Variants in TRPC4 observed in about 807,000 individuals in gnomAD.
TRPC4 encodes short transient receptor potential channel 4.
Under a neutral mutation model 99.4 loss-of-function variants are expected in TRPC4, and 49 were observed. The observed-to-expected ratio is 0.49, with a 90% CI of 0.39 to 0.63. The LOEUF (loss-of-function observed/expected upper bound fraction) is 0.63. TRPC4 is among the 20% of genes least tolerant of loss of function. The pLI is 0.00. For synonymous variants in TRPC4, 454 were observed against 425.9 expected (o/e 1.07, Z -0.81); for missense variants, 898 against 1,152.9 (o/e 0.78, Z 3.20).
At chr13:37,843,868 G>A (rs1323778311) in intron 1 of TRPC4, among the ~76,000 whole-genome samples, 1 of 152,130 alleles carries the variant, frequency 6.6e-6, no homozygotes, top group Non-Finnish European at 1.5e-5. Context: ...GTGAGTCAAG[G>A]ACACTCCTTT....
At chr13:37,809,547 A>C (rs1232537780) in intron 1 of TRPC4, among the ~76,000 whole-genome samples, 3 of 151,928 alleles carry the variant, frequency 2.0e-5, no homozygotes, top group Non-Finnish European at 4.4e-5. Context: ...CTCAAACTGC[A>C]GGCATAAGAT....
In TRPC4 at chr13:37,827,866, C is replaced by G. The variant is rs549434763; in HGVS notation, c.-28+41729G>C. On this transcript the variant is annotated intron_variant, in intron 1 of 10. Coordinates refer to ENST00000379705, the MANE Select transcript of TRPC4 (RefSeq NM_016179.4). ...CTGGGCAATGGCGGGTGCCCCTCCC[C>G]TAGCCTCGCTGCTGCCTTGCAGTTT... Among the ~76,000 whole-genome samples the G allele has an allele frequency of 1.3e-3, 204 of 152,330 alleles. 2 individuals carry two copies. Among genetic ancestry groups the G allele is most frequent in the African/African-American group, 4.5e-3 (188 of 41,580 alleles).
intron 2 of TRPC4, among the ~76,000 whole-genome samples, chr13:37,758,968 T>C (rs1418113461): frequency 6.6e-6 from 1 of 151,664 alleles, no homozygotes; most frequent in South Asian, 2.1e-4. Context: ...TATTTTTGTT[T>C]ATATTGTTTT....
In TRPC4 at chr13:37,634,265, CTGT is replaced by C. The variant is rs1951456306; in HGVS notation, c.*2635_*2637del. 6.6e-6 allele frequency among the ~76,000 whole-genome samples: 1 copy of C among 152,032 alleles called. No homozygotes were observed. The highest frequency in any genetic ancestry group is 2.4e-5 in the African/African-American group (1 of 41,426). ...CAGTATTTCTTTGCTTGCTATCCTG[CTGT>C]TGTTTGACTTTTCTTATTTTATCCC... On this transcript the variant is annotated 3_prime_UTR_variant, in exon 11 of 11. Coordinates refer to ENST00000379705, the MANE Select transcript of TRPC4 (RefSeq NM_016179.4).
At chr13:37,661,925 T>C (rs1273376092) in intron 6 of TRPC4, among the ~76,000 whole-genome samples, 1 of 152,134 alleles carries the variant, frequency 6.6e-6, no homozygotes, top group Non-Finnish European at 1.5e-5. Flanking sequence ...GAATTCCTCC[T>C]GCCCAGGGTC....
At chr13:37,821,063 G>C (rs1434915890) in intron 1 of TRPC4, among the ~76,000 whole-genome samples, 1 of 151,924 alleles carries the variant, frequency 6.6e-6, no homozygotes, top group African/African-American at 2.4e-5. Flanking sequence ...AAAGCTCCTT[G>C]ATCTGATAAA....
chr13:37,649,614 G>GTC (rs1472010620), intron 8 of TRPC4, among the ~76,000 whole-genome samples: 3 of 151,234 alleles, frequency 2.0e-5, no homozygotes, highest in African/African-American at 2.4e-5. Context: ...GGCGCCTGTA[G>GTC]TCCCAGCTAC....
Position 37,745,899 on chromosome 13 carries a change from C to T in TRPC4, c.897+38G>A, listed in dbSNP as rs1055683546. 4 of 1,577,788 alleles carry T rather than the reference C, an allele frequency of 2.5e-6. No homozygotes were observed. The East Asian group carries it at 6.7e-5, about 27-fold the overall frequency. On this transcript the variant is annotated intron_variant, in intron 3 of 10. Transcript: ENST00000379705. The stretch of plus-strand genomic sequence containing the variant: ...CAGTTTGCTTCACTGTGATTAAACT[C>T]TATGGCATTTTGATGGATCAAGTCT...
intron 2 of TRPC4, 34 bp from the exon 3 acceptor site, chr13:37,746,489 T>C (rs759722386): frequency 1.9e-6 from 3 of 1,556,192 alleles, no homozygotes; most frequent in Non-Finnish European, 2.6e-6. Context: ...GATGAATATT[T>C]ATTCTTTTGT....
At chr13:37,668,182 G>C (rs1477174403) in intron 5 of TRPC4, among the ~76,000 whole-genome samples, 1 of 152,192 alleles carries the variant, frequency 6.6e-6, no homozygotes, top group African/African-American at 2.4e-5. Context: ...ATTAATTCCT[G>C]TATTCCTCCT....
chr13:37,717,581 T>G (rs565141540), intron 3 of TRPC4, among the ~76,000 whole-genome samples: 2 of 152,110 alleles, frequency 1.3e-5, no homozygotes, highest in Non-Finnish European at 2.9e-5. Flanking sequence ...TATTTAGAGA[T>G]AAAGTCTTTA....
Position 37,771,613 on chromosome 13 carries a change from A to G in TRPC4, c.378+11343T>C, listed in dbSNP as rs1454836448. Among the ~76,000 whole-genome samples the G allele has an allele frequency of 2.6e-5, 4 of 151,418 alleles. No individual in the cohort carries two copies. In the South Asian group the frequency reaches 8.3e-4, roughly 31 times the overall value. On this transcript the variant is annotated intron_variant, in intron 2 of 10. Coordinates refer to ENST00000379705, the MANE Select transcript of TRPC4 (RefSeq NM_016179.4). Reference sequence around the variant, plus strand: ...TGAGCTACAGAAAGAAAGCAGATATAAAGAACAAGTTTTGATTGGTAAGAT... The same window carrying G: ...TGAGCTACAGAAAGAAAGCAGATATGAAGAACAAGTTTTGATTGGTAAGAT...
At chr13:37,699,209 A>G (rs1342854453) in intron 3 of TRPC4, among the ~76,000 whole-genome samples, 1 of 152,124 alleles carries the variant, frequency 6.6e-6, no homozygotes, top group African/African-American at 2.4e-5. Flanking sequence ...ATATGTGAAA[A>G]GTATGAGTTC....
chr13:37,675,123 GCAAA>G (rs1566087360), intron 4 of TRPC4, among the ~76,000 whole-genome samples: 3 of 152,172 alleles, frequency 2.0e-5, no homozygotes, highest in Admixed American at 2.0e-4. Flanking sequence ...ATTAACACAA[GCAAA>G]CAGTGAGAAT....
At chr13:37,822,841 G>C (rs1225139413) in intron 1 of TRPC4, among the ~76,000 whole-genome samples, 2 of 151,612 alleles carry the variant, frequency 1.3e-5, no homozygotes, top group East Asian at 1.9e-4. Context: ...CTGAGGAATC[G>C]CCACACTGAC....
At chr13:37,683,942 C>T (rs569094942) in intron 4 of TRPC4, among the ~76,000 whole-genome samples, 1 of 152,062 alleles carries the variant, frequency 6.6e-6, no homozygotes, top group East Asian at 1.9e-4. Context: ...TTATGATAAC[C>T]GATAGTGATA....
Position 37,651,299 on chromosome 13 carries a change from A to T in TRPC4, c.2045T>A (p.Met682Lys), listed in dbSNP as rs769187163. The part of the protein sequence containing the change: ...WIWTHLCKKK[M>K]RRKPESFGTI... ...TCCAAAACTTTCTGGCTTTCTTCTC[A>T]TCTTTTTCTTGCACAAGTGTGTCCA... is the stretch of plus-strand genomic sequence containing the variant. The change falls in exon 8 of 11, where the codon ATG becomes AAG. Residue 682 changes from methionine to lysine, a missense_variant. Coordinates refer to ENST00000379705, the MANE Select transcript of TRPC4 (RefSeq NM_016179.4). The T allele has an allele frequency of 1.9e-6, 3 of 1,614,138 alleles. No homozygotes were observed. Among genetic ancestry groups the T allele is most frequent in the South Asian group, 2.2e-5 (2 of 91,086 alleles).
intron 2 of TRPC4, among the ~76,000 whole-genome samples, chr13:37,756,252 A>T (rs1301372047): frequency 6.7e-6 from 1 of 148,440 alleles, no homozygotes; most frequent in Non-Finnish European, 1.5e-5. Context: ...GAATGAAGAA[A>T]TCTATAGATG....
At chr13:37,655,508 C>T (rs1400844700) in intron 6 of TRPC4, among the ~76,000 whole-genome samples, 1 of 151,724 alleles carries the variant, frequency 6.6e-6, no homozygotes, top group African/African-American at 2.4e-5. Context: ...ACTTAAATTT[C>T]CCAAGAGCTT....
Sources: gnomAD v4.1 joint callset for allele counts (sites outside exome capture counted in the v4.1 genomes callset) on GRCh38, gnomAD v4.1.1 for gene constraint, MANE v1.5 for transcripts, NCBI Gene and HGNC (gene_info 2026-07-23, HGNC 2026-07-21) for gene names.